The following HEATR4 variants were observed in gnomAD, a reference collection of about 807,000 sequenced individuals.
HEATR4 encodes HEAT repeat containing 4.
Under a neutral mutation model 108.8 loss-of-function variants are expected in HEATR4, and 95 were observed. That is an observed-to-expected ratio of 0.87 (90% confidence interval 0.74 to 1.04). HEATR4 has a LOEUF of 1.04. Ranked by LOEUF, HEATR4 falls within the 50% of genes least tolerant of loss-of-function variation. HEATR4 has a pLI of 0.00. For synonymous variants in HEATR4, 443 were observed against 459.4 expected, an observed-to-expected ratio of 0.96 and a Z score of 0.46; for missense variants, 1,152 against 1,253.8, an observed-to-expected ratio of 0.92 and a Z score of 1.23.
intron 12 of HEATR4, among the ~76,000 whole-genome samples, chr14:73,500,001 G>A (rs1361403253): frequency 3.3e-5 from 5 of 152,180 alleles, no homozygotes; most frequent in East Asian, 3.9e-4. Flanking sequence ...AGGCCGAGGC[G>A]GGCGGATCAC....
chr14:73,627,812 C>A, the HEATR4 span, among the ~76,000 whole-genome samples: 1 of 117,916 alleles, frequency 8.5e-6, no homozygotes, highest in Non-Finnish European at 1.7e-5. Context: ...GGCTGAAAGT[C>A]CCAACAATTT....
At chr14:73,483,984 A>G (rs1396914257) in intron 17 of HEATR4, among the ~76,000 whole-genome samples, 1 of 151,856 alleles carries the variant, frequency 6.6e-6, no homozygotes, top group African/African-American at 2.4e-5. Flanking sequence ...CCTCCCGAGT[A>G]GCTGGGATTA....
chr14:73,610,781 C>T, the HEATR4 span, among the ~76,000 whole-genome samples: 84,055 of 152,098 alleles, frequency 0.55, 24,547 homozygotes, highest in East Asian at 0.85. Flanking sequence ...AAGCATAGAA[C>T]GTGCTGGGAA....
At chr14:73,510,308 C>T (rs1887163545) in intron 7 of HEATR4, among the ~76,000 whole-genome samples, 2 of 152,106 alleles carry the variant, frequency 1.3e-5, no homozygotes, top group Admixed American at 1.3e-4. Context: ...TTTGGTTCAA[C>T]TAAACAGTAA....
At chr14:73,543,425 GGGA>G in intron 1 of HEATR4, 4 of 1,110,444 alleles carry the variant, frequency 3.6e-6, no homozygotes, top group Non-Finnish European at 5.2e-6. Context: ...GCAGGCCCAT[GGGA>G]GGAGAAAGCC....
intron 17 of HEATR4, chr14:73,491,417 G>A: frequency 1.5e-6 from 2 of 1,349,198 alleles, no homozygotes; most frequent in Non-Finnish European, 1.9e-6. Flanking sequence ...GCGCCTGGTG[G>A]AGGTGCCCGC....
At chr14:73,510,744 A>G (rs1791918950) in intron 7 of HEATR4, among the ~76,000 whole-genome samples, 1 of 152,192 alleles carries the variant, frequency 6.6e-6, no homozygotes, top group Non-Finnish European at 1.5e-5. Flanking sequence ...CTTTGGCTGC[A>G]GTTCTTGAGG....
At chr14:73,490,152 G>T (rs1277394302) in intron 17 of HEATR4, among the ~76,000 whole-genome samples, 1 of 152,160 alleles carries the variant, frequency 6.6e-6, no homozygotes, top group Non-Finnish European at 1.5e-5. Flanking sequence ...TGAGACAAGA[G>T]TCTCACTCTG....
intron 9 of HEATR4, among the ~76,000 whole-genome samples, 197 bp from the exon 10 acceptor site, chr14:73,506,768 A>G (rs1367829955): frequency 6.8e-6 from 1 of 146,144 alleles, no homozygotes; most frequent in Non-Finnish European, 1.5e-5. Context: ...AATAACTTAA[A>G]CAGAAAACTG....
chr14:73,496,688 T>C lies in HEATR4; in HGVS notation c.2547-9A>G. ...TTGTCTGGTACATTTCTCTGAAAGATAAGAAGGGCTTCTTAGATTATTCTA... is the reference window on the plus strand; with the variant it reads ...TTGTCTGGTACATTTCTCTGAAAGACAAGAAGGGCTTCTTAGATTATTCTA... On this transcript the variant is annotated splice_polypyrimidine_tract_variant and intron_variant, in intron 14 of 17. Transcript: ENST00000553558. 7.0e-7 allele frequency: 1 copy of C among 1,438,508 alleles called. No individual in the cohort carries two copies. Among genetic ancestry groups the C allele is most frequent in the South Asian group, 1.1e-5 (1 of 87,208 alleles). The allele number at this position is 1,438,508 out of a possible 1,614,324, so 89.1% of individuals were successfully genotyped here.
At chr14:73,605,228 T>C in the HEATR4 span, among the ~76,000 whole-genome samples, 1 of 152,124 alleles carries the variant, frequency 6.6e-6, no homozygotes, top group African/African-American at 2.4e-5. Context: ...AGTGCTCTTT[T>C]AAAAAAAGTC....
chr14:73,506,827 T>TTTTTTTTTTTTTTTTTTTTTTGG (rs1886887990), intron 9 of HEATR4, among the ~76,000 whole-genome samples: 1 of 122,966 alleles, frequency 8.1e-6, no homozygotes, highest in African/African-American at 3.3e-5. Flanking sequence ...TTTTTTTTTC[T>TTTTTTTTTTTTTTTTTTTTTTGG]GAGAAGGTTG....
At chr14:73,521,090 T>A (rs765561554) in intron 3 of HEATR4, 51 bp from the exon 4 acceptor site, 1 of 1,473,710 alleles carries the variant, frequency 6.8e-7, no homozygotes, top group Non-Finnish European at 9.4e-7. Context: ...AGGAGGTGGA[T>A]CCCCCTTTCC....
intron 5 of HEATR4, among the ~76,000 whole-genome samples, chr14:73,518,043 G>A (rs976937386): frequency 3.3e-5 from 5 of 152,124 alleles, no homozygotes; most frequent in East Asian, 1.9e-4. Flanking sequence ...CCGAGATCAC[G>A]CCACCGCACT....
rs1360406018 is a variant in HEATR4 at position 73,537,658 on chromosome 14, G to T, written c.-151-7414C>A. ...GCTTCGCGGGGCTTGAGCCCATGGG[G>T]CTGCTCTGGGCCTTGGAGCCCGAGA... On this transcript the variant is annotated intron_variant, in intron 1 of 17. Transcript: ENST00000553558. 7 of 1,238,712 alleles carry T rather than the reference G, an allele frequency of 5.7e-6. 2 individuals are homozygous for T. Among genetic ancestry groups the T allele is most frequent in the Non-Finnish European group, 7.5e-6 (7 of 936,630 alleles). 76.7% of individuals were successfully genotyped at this position (1,238,712 alleles called of 1,614,324 possible). A position where few individuals can be genotyped will look rare whatever the true frequency, so the allele number is the denominator to read the frequency against.
chr14:73,595,798 C>G, the HEATR4 span: 1 of 1,056,216 alleles, frequency 9.5e-7, no homozygotes, highest in Non-Finnish European at 1.3e-6. Flanking sequence ...GTTGAATAAG[C>G]TTTGTCGTTA....
the HEATR4 span, among the ~76,000 whole-genome samples, chr14:73,583,508 G>T: frequency 6.6e-6 from 1 of 150,482 alleles, no homozygotes; most frequent in Non-Finnish European, 1.5e-5. Context: ...GAAGGAGAGG[G>T]CTTTTCTCCC....
the HEATR4 span, among the ~76,000 whole-genome samples, chr14:73,626,718 T>C: frequency 0.013 from 1,921 of 151,066 alleles, 16 homozygotes; most frequent in Non-Finnish European, 0.021. Context: ...TGCAGCAAGT[T>C]ATCCAGAAGA....
At chr14:73,591,869 C>A in the HEATR4 span, 1 of 1,242,276 alleles carries the variant, frequency 8.0e-7, no homozygotes, top group Non-Finnish European at 1.0e-6. Flanking sequence ...CACCAGGGGA[C>A]GCCGGACGCC....
Sources: gnomAD v4.1 joint callset for allele counts (sites outside exome capture counted in the v4.1 genomes callset) on GRCh38, gnomAD v4.1.1 for gene constraint, MANE v1.5 for transcripts, NCBI Gene and HGNC (gene_info 2026-07-23, HGNC 2026-07-21) for gene names.